The following CCDC57 variants were observed in gnomAD, a reference collection of about 807,000 sequenced individuals.
The protein encoded by CCDC57 is coiled-coil domain containing 57.
A neutral mutation model predicts 118.9 loss-of-function variants in CCDC57; 118 were observed. The observed-to-expected ratio is 0.99, with a 90% CI of 0.86 to 1.16. The LOEUF is 1.16. CCDC57 is among the 50% of genes most tolerant of loss of function. The pLI is 0.00. For missense variants in CCDC57, 1,300 were observed against 1,320.7 expected (o/e 0.98, Z 0.24); for synonymous variants, 527 against 532.9 (o/e 0.99, Z 0.15).
chr17:82,131,075 A>G (rs1038106611), intron 17 of CCDC57, among the ~76,000 whole-genome samples: 11 of 151,068 alleles, frequency 7.3e-5, no homozygotes, highest in African/African-American at 1.9e-4. Context: ...GGCCTCCCAA[A>G]GTGCTGGGAT....
chr17:82,187,905 A>G (rs1233259674), intron 8 of CCDC57, among the ~76,000 whole-genome samples: 1 of 152,006 alleles, frequency 6.6e-6, no homozygotes, highest in Non-Finnish European at 1.5e-5. Flanking sequence ...GTTTTACAAC[A>G]ACGTGAATGT....
chr17:82,110,947 C>T (rs571397021), intron 19 of CCDC57, among the ~76,000 whole-genome samples: 30 of 150,688 alleles, frequency 2.0e-4, no homozygotes, highest in Non-Finnish European at 4.0e-4. Flanking sequence ...ATCGCTTGAA[C>T]CCTGGAGGTG....
chr17:82,128,143 T>C (rs1205131188), intron 18 of CCDC57, among the ~76,000 whole-genome samples: 1 of 152,056 alleles, frequency 6.6e-6, no homozygotes, highest in African/African-American at 2.4e-5. Flanking sequence ...TCAGTGCTCG[T>C]CTCAACACTT....
At chr17:82,195,603 G>A (rs909580622) in intron 4 of CCDC57, among the ~76,000 whole-genome samples, 1 of 151,846 alleles carries the variant, frequency 6.6e-6, no homozygotes, top group African/African-American at 2.4e-5. Flanking sequence ...ACACAGTGAG[G>A]CCCTGTCGCT....
chr17:82,104,538 A>AATTTTT (rs1178882699), intron 19 of CCDC57, among the ~76,000 whole-genome samples: 3 of 152,042 alleles, frequency 2.0e-5, no homozygotes, highest in African/African-American at 7.2e-5. Context: ...GGGTTTTTTA[A>AATTTTT]ATTTTTATTT....
intron 9 of CCDC57, among the ~76,000 whole-genome samples, chr17:82,181,866 C>G (rs2046249093): frequency 6.6e-6 from 1 of 152,162 alleles, no homozygotes; most frequent in Non-Finnish European, 1.5e-5. Context: ...GCCTGTCATC[C>G]CAGCACTTTG....
In CCDC57 at chr17:82,172,923, G is replaced by T; in HGVS notation, c.1507-63C>A. The T allele has an allele frequency of 6.8e-7, 1 of 1,461,664 alleles. No homozygotes were observed. Among genetic ancestry groups the T allele is most frequent in the Non-Finnish European group, 9.4e-7 (1 of 1,064,996 alleles). The allele number at this position is 1,461,664 out of a possible 1,614,324, so 90.5% of individuals were successfully genotyped here. Reference sequence around the variant, plus strand: ...ATGGTTCCCCAGCTTGTCCTGACAGGCTGTGCCTCCGCTCTCCCCGCGCCC... The same window carrying T: ...ATGGTTCCCCAGCTTGTCCTGACAGTCTGTGCCTCCGCTCTCCCCGCGCCC... On this transcript the variant is annotated intron_variant, in intron 11 of 19. Coordinates refer to ENST00000665763, the Ensembl canonical transcript of CCDC57. This position sits in a 1 kb window ranked among gnomAD's most constrained non-coding sequence, Gnocchi z 5.2.
chr17:82,123,278 C>T (rs949175890), intron 19 of CCDC57, among the ~76,000 whole-genome samples: 1 of 148,080 alleles, frequency 6.8e-6, no homozygotes, highest in Non-Finnish European at 1.5e-5. Flanking sequence ...CAGGCATGAA[C>T]CAGTGTGCCC....
At chr17:82,157,590 G>A in intron 15 of CCDC57, 158 bp downstream of exon 14, 1 of 1,437,210 alleles carries the variant, frequency 7.0e-7, no homozygotes, top group Non-Finnish European at 9.1e-7. Context: ...GGGAGAGGGG[G>A]TGGAGCAGGG....
chr17:82,170,233 G>A (rs2044513144), intron 13 of CCDC57, among the ~76,000 whole-genome samples: 1 of 152,134 alleles, frequency 6.6e-6, no homozygotes, highest in African/African-American at 2.4e-5. Context: ...GGAAGAGTCG[G>A]GCGCGGTGTC....
intron 19 of CCDC57, chr17:82,127,206 C>T (rs994587010): frequency 4.3e-5 from 42 of 985,298 alleles, no homozygotes; most frequent in Non-Finnish European, 4.5e-5. Context: ...GATGAGGATG[C>T]GGCTGACACT....
chr17:82,183,301 C>T (rs1270702461), intron 9 of CCDC57, among the ~76,000 whole-genome samples: 1 of 152,168 alleles, frequency 6.6e-6, no homozygotes, highest in African/African-American at 2.4e-5. Flanking sequence ...GGATAAGAAA[C>T]ACATGAGGAC....
chr17:82,201,817 A>T (rs1380274629), exon 3 of CCDC57: 1 of 1,613,486 alleles, frequency 6.2e-7, no homozygotes, highest in Admixed American at 1.7e-5. Flanking sequence ...CGCCTCCTCC[A>T]GCTGGCTCCG....
chr17:82,207,203 G>A (rs1003322510), intron 2 of CCDC57, among the ~76,000 whole-genome samples: 3 of 152,038 alleles, frequency 2.0e-5, no homozygotes, highest in African/African-American at 4.8e-5. Context: ...TAACTGGGGC[G>A]TCGCTTGTAG....
chr17:82,121,376 C>A (rs2036653109), intron 19 of CCDC57, among the ~76,000 whole-genome samples: 1 of 152,200 alleles, frequency 6.6e-6, no homozygotes. Flanking sequence ...TGCTACTGAG[C>A]TGCAGGCAGC....
At chr17:82,113,022 C>A in intron 19 of CCDC57, 1 of 253,750 alleles carries the variant, frequency 3.9e-6, no homozygotes, top group Non-Finnish European at 7.6e-6. Context: ...GAAAGTAAGC[C>A]GATTTGGTTA....
chr17:82,159,539 T>C (rs991742722), intron 14 of CCDC57, among the ~76,000 whole-genome samples: 1 of 152,190 alleles, frequency 6.6e-6, no homozygotes, highest in Non-Finnish European at 1.5e-5. Context: ...GGCGAGGCGT[T>C]AGGCATCAGC....
chr17:82,153,676 T>C (rs1401857960), intron 15 of CCDC57: 2 of 152,224 alleles, frequency 1.3e-5, no homozygotes, highest in Non-Finnish European at 2.9e-5. Context: ...CAAAATAAGA[T>C]TTCTACAGCC....
chr17:82,207,499 T>A (rs955260527), intron 2 of CCDC57: 4 of 152,248 alleles, frequency 2.6e-5, no homozygotes, highest in Admixed American at 2.6e-4. Context: ...ACTCCATGGA[T>A]CAGCTGGCAC....
Sources: gnomAD v4.1 joint callset for allele counts (sites outside exome capture counted in the v4.1 genomes callset) on GRCh38, gnomAD v4.1.1 for gene constraint, Gnocchi (gnomAD v3.1) non-coding constraint, MANE v1.5 for transcripts, NCBI Gene and HGNC (gene_info 2026-07-23, HGNC 2026-07-21) for gene names.